Variants in MAP3K9 observed in about 807,000 individuals in gnomAD.
The protein encoded by MAP3K9 is mixed lineage kinase 1 (tyr and ser/thr specificity).
A neutral mutation model predicts 95.8 loss-of-function variants in MAP3K9; 46 were observed. The ratio of observed to expected loss-of-function variants is 0.48; its 90% confidence interval spans 0.38 to 0.61. MAP3K9 has a LOEUF of 0.61. Ranked by LOEUF, MAP3K9 falls within the 20% of genes least tolerant of loss-of-function variation. The pLI is 0.00. For synonymous variants in MAP3K9, 533 were observed against 593.8 expected (o/e 0.90, Z 1.49); for missense variants, 1,296 against 1,474.3 (o/e 0.88, Z 1.98).
rs371503696 is a variant in MAP3K9 at position 70,742,335 on chromosome 14, G to C, written c.1567+16C>G. The stretch of plus-strand genomic sequence containing the variant: ...TTGCCCTGCTCCCACTTCCCAGCCA[G>C]TCCCCGGCCACTGACCAGAAGGGAG... On this transcript the variant is annotated intron_variant, in intron 6 of 11. Transcript: ENST00000554752. 6.8e-6 allele frequency: 11 copies of C among 1,611,038 alleles called. No homozygotes were observed. The African/African-American group carries it at 1.2e-4, about 18-fold the overall frequency.
At chr14:70,763,289 A>G (rs1883451580) in intron 2 of MAP3K9, among the ~76,000 whole-genome samples, 1 of 152,254 alleles carries the variant, frequency 6.6e-6, no homozygotes, top group Non-Finnish European at 1.5e-5. Flanking sequence ...TCAGTCAATG[A>G]CAGGCCAAAA....
intron 2 of MAP3K9, among the ~76,000 whole-genome samples, chr14:70,793,627 C>T (rs1389321777): frequency 1.3e-5 from 2 of 152,060 alleles, no homozygotes; most frequent in African/African-American, 2.4e-5. Context: ...TTTGGGATCA[C>T]GTAAGTAAAC....
rs975028200 is a variant in MAP3K9 at position 70,807,558 on chromosome 14, G to A, written c.406+1208C>T. 3.9e-5 allele frequency among the ~76,000 whole-genome samples: 6 copies of A among 152,080 alleles called. No homozygotes were observed. The East Asian group carries it at 5.8e-4, about 15-fold the overall frequency. On this transcript the variant is annotated intron_variant, in intron 1 of 11. Coordinates refer to ENST00000554752, the MANE Select transcript of MAP3K9 (RefSeq NM_001284230.2). ...AAAAATAACTTACAGAGCCAAAAAC[G>A]TAACTGTTACAAAGGAAATCTTAAT...
intron 9 of MAP3K9, among the ~76,000 whole-genome samples, chr14:70,735,687 A>C (rs1341971157): frequency 2.0e-5 from 3 of 152,188 alleles, no homozygotes; most frequent in African/African-American, 7.2e-5. Flanking sequence ...CCAAAGGATA[A>C]ATAGCCACAT....
At chr14:70,775,349 A>C (rs149509449) in intron 2 of MAP3K9, among the ~76,000 whole-genome samples, 35 of 152,230 alleles carry the variant, frequency 2.3e-4, no homozygotes, top group African/African-American at 8.4e-4. Context: ...CACATCTAGG[A>C]AGCGAAAGAG....
In MAP3K9 at chr14:70,727,933, G is replaced by A. The variant is rs1376821232; in HGVS notation, c.*2447C>T. The stretch of plus-strand genomic sequence containing the variant: ...AAAGATGGCTGCAACCTACCACAAT[G>A]GCAAAAGTTAAAAATGAGCAAAGGA... On this transcript the variant is annotated 3_prime_UTR_variant, in exon 12 of 12. Coordinates refer to ENST00000554752, the MANE Select transcript of MAP3K9 (RefSeq NM_001284230.2). The A allele has an allele frequency of 6.6e-6, 1 of 152,084 alleles. No homozygotes were observed. The highest frequency in any genetic ancestry group is 2.4e-5 in the African/African-American group (1 of 41,406). 9.4% of individuals were successfully genotyped at this position (152,084 alleles called of 1,614,324 possible). A position where few individuals can be genotyped will look rare whatever the true frequency, so the allele number is the denominator to read the frequency against.
At chr14:70,736,577 GGAA>G (rs747619211) in intron 8 of MAP3K9, among the ~76,000 whole-genome samples, 4 of 152,118 alleles carry the variant, frequency 2.6e-5, no homozygotes, top group Admixed American at 6.5e-5. Context: ...AAGTTTGTGA[GGAA>G]GAAGAAAATT....
chr14:70,767,961 T>C lies in MAP3K9; in HGVS notation c.821-6779A>G, dbSNP rs79904145. 0.02 allele frequency among the ~76,000 whole-genome samples: 2,977 copies of C among 152,292 alleles called. 211 individuals carry two copies. The East Asian group carries it at 0.25, about 13-fold the overall frequency. ...AATTACAGAAGTGAGCCACTGTGCC[T>C]GGCACAAAGACATCATTCTTGATTA... is the stretch of plus-strand genomic sequence containing the variant. On this transcript the variant is annotated intron_variant, in intron 2 of 11. Transcript: ENST00000554752.
intron 7 of MAP3K9, 179 bp downstream of exon 7, chr14:70,739,861 GGA>G (rs1169830527): frequency 1.3e-6 from 2 of 1,538,520 alleles, no homozygotes; most frequent in Admixed American, 3.9e-5. Flanking sequence ...TAAAGTTAAT[GGA>G]GAGAGACAAG....
rs780560673 is a variant in MAP3K9 at position 70,734,370 on chromosome 14, G to GT, written c.2026+15_2026+16insA. 1.3e-6 allele frequency: 2 copies of GT among 1,573,062 alleles called. No homozygotes were observed. The highest frequency in any genetic ancestry group is 1.8e-6 in the Non-Finnish European group (2 of 1,142,538). On this transcript the variant is annotated intron_variant, in intron 10 of 11. Transcript: ENST00000554752. ...GCAGGGAGACAGCCAAGACTCTCAA[G>GT]AGGAGCTATGCTTACCCATCTCCAT...
In MAP3K9 at chr14:70,748,747, C is replaced by T. The variant is rs2054184035; in HGVS notation, c.1326+82G>A. On this transcript the variant is annotated intron_variant, in intron 5 of 11. Transcript: ENST00000554752. ...GGTCAGTCAGACTCGGTCCAGAGGT[C>T]CCTGTGAGTGAGGTCTACCAATTCA... 3 of 1,089,518 alleles carry T rather than the reference C, an allele frequency of 2.8e-6. No individual in the cohort carries two copies. In the Admixed American group the frequency reaches 7.1e-5, roughly 26 times the overall value. The allele number at this position is 1,089,518 out of a possible 1,614,324, so 67.5% of individuals were successfully genotyped here.
chr14:70,797,260 C>T lies in MAP3K9; in HGVS notation c.820+3407G>A, dbSNP rs141182465. Among the ~76,000 whole-genome samples the T allele has an allele frequency of 1.4e-3, 210 of 152,126 alleles. 2 individuals carry two copies. The highest frequency in any genetic ancestry group is 4.4e-3 in the African/African-American group (182 of 41,488). On this transcript the variant is annotated intron_variant, in intron 2 of 11. Coordinates refer to ENST00000554752, the MANE Select transcript of MAP3K9 (RefSeq NM_001284230.2). ...ATGACCAAAATCCAATTCTCTGGAA[C>T]CCTTAACAAAGCAAGGAAAACAAAC... is the stretch of plus-strand genomic sequence containing the variant.
intron 10 of MAP3K9, 75 bp downstream of exon 10, chr14:70,734,311 G>T: frequency 1.0e-6 from 1 of 994,198 alleles, no homozygotes; most frequent in Non-Finnish European, 1.6e-6. Flanking sequence ...TCCTTAAATG[G>T]TCCTAGAAGC....
intron 1 of MAP3K9, among the ~76,000 whole-genome samples, chr14:70,801,650 G>C (rs1274473075): frequency 6.6e-6 from 1 of 152,192 alleles, no homozygotes; most frequent in East Asian, 1.9e-4. Context: ...CCAAACCATA[G>C]GATGAGAAGA....
Position 70,773,600 on chromosome 14 carries a change from T to C in MAP3K9, c.821-12418A>G, listed in dbSNP as rs143413299. Among the ~76,000 whole-genome samples the C allele has an allele frequency of 2.6e-3, 403 of 152,336 alleles. 1 individual carries two copies. The highest frequency in any genetic ancestry group is 9.3e-3 in the African/African-American group (387 of 41,580). On this transcript the variant is annotated intron_variant, in intron 2 of 11. Coordinates refer to ENST00000554752, the MANE Select transcript of MAP3K9 (RefSeq NM_001284230.2). ...GTAGCCAGGTAACTAAAAAGTGTCATTGTAGGTGCTTTCTGTAACCTGTCT... is the reference window on the plus strand; with the variant it reads ...GTAGCCAGGTAACTAAAAAGTGTCACTGTAGGTGCTTTCTGTAACCTGTCT...
At chr14:70,772,381 T>TAG (rs201374334) in intron 2 of MAP3K9, among the ~76,000 whole-genome samples, 44 of 149,720 alleles carry the variant, frequency 2.9e-4, no homozygotes, top group Admixed American at 7.3e-4. Context: ...ACACCCCTCA[T>TAG]AGAGAGAGAG....
rs910328830 is a variant in MAP3K9 at position 70,726,290 on chromosome 14, G to A, written c.*4090C>T. The A allele has an allele frequency of 6.6e-6, 1 of 152,280 alleles. No homozygotes were observed. The highest frequency in any genetic ancestry group is 2.4e-5 in the African/African-American group (1 of 41,460). 9.4% of individuals were successfully genotyped at this position (152,280 alleles called of 1,614,324 possible). On this transcript the variant is annotated 3_prime_UTR_variant, in exon 12 of 12. Coordinates refer to ENST00000554752, the MANE Select transcript of MAP3K9 (RefSeq NM_001284230.2). ...CTAGATGTCCTTGGGGTATCTCATTGTGTCCCTGAGCAACAGTAGCCTGAG... is the reference window on the plus strand; with the variant it reads ...CTAGATGTCCTTGGGGTATCTCATTATGTCCCTGAGCAACAGTAGCCTGAG...
chr14:70,790,506 G>A (rs1427865604), intron 2 of MAP3K9, among the ~76,000 whole-genome samples: 1 of 152,112 alleles, frequency 6.6e-6, no homozygotes, highest in Admixed American at 6.5e-5. Flanking sequence ...ACAGCCCTGG[G>A]GCCCACGTTC....
chr14:70,789,496 T>A (rs1440607012), intron 2 of MAP3K9, among the ~76,000 whole-genome samples: 1 of 152,216 alleles, frequency 6.6e-6, no homozygotes, highest in Non-Finnish European at 1.5e-5. Context: ...TACTGACACA[T>A]AATAGCTCAT....
Sources: gnomAD v4.1 joint callset for allele counts (sites outside exome capture counted in the v4.1 genomes callset) on GRCh38, gnomAD v4.1.1 for gene constraint, MANE v1.5 for transcripts, NCBI Gene and HGNC (gene_info 2026-07-23, HGNC 2026-07-21) for gene names.